EXOC3L2: variants seen among roughly 807,000 people sequenced by gnomAD.
EXOC3L2 encodes exocyst complex component 3-like protein 2.
Under a neutral mutation model 44.4 loss-of-function variants are expected in EXOC3L2, and 17 were observed. The observed-to-expected ratio is 0.38, with a 90% CI of 0.26 to 0.57. The LOEUF is 0.57. Ranked by LOEUF, EXOC3L2 falls within the 20% of genes least tolerant of loss-of-function variation. The pLI is 0.65. For missense variants in EXOC3L2, 541 were observed against 588.4 expected, an observed-to-expected ratio of 0.92 and a Z score of 0.83; for synonymous variants, 256 against 253.7, an observed-to-expected ratio of 1.01 and a Z score of -0.09.
intron 7 of EXOC3L2, among the ~76,000 whole-genome samples, chr19:45,225,500 C>T (rs907793214): frequency 1.3e-5 from 2 of 152,024 alleles, no homozygotes; most frequent in African/African-American, 2.4e-5. Flanking sequence ...GATCTCCTGA[C>T]CTTGTGATCC....
intron 1 of EXOC3L2, among the ~76,000 whole-genome samples, chr19:45,242,524 C>T (rs1047213585): frequency 1.3e-5 from 2 of 151,842 alleles, no homozygotes; most frequent in East Asian, 3.9e-4. Context: ...TCCCAAAGTA[C>T]TAGAATTACA....
At position 45,224,666 on chromosome 19, in the gene EXOC3L2, CT is replaced by C. The variant is rs148916282; in HGVS notation, c.1719+111del. 7,870 of 1,409,964 alleles carry C rather than the reference CT, an allele frequency of 5.6e-3. 328 individuals are homozygous for C. The African/African-American group carries it at 0.099, about 18-fold the overall frequency. 87.3% of individuals were successfully genotyped at this position (1,409,964 alleles called of 1,614,324 possible). A position where few individuals can be genotyped will look rare whatever the true frequency, so the allele number is the denominator to read the frequency against. On this transcript the variant is annotated intron_variant, in intron 8 of 11. Coordinates refer to ENST00000413988, the MANE Select transcript of EXOC3L2 (RefSeq NM_001382422.1). ...CCTTAACTGCCCCTGCCCCCCGCCC[CT>C]GTCTGCTTCCCAAACACTGAGCCAT...
In EXOC3L2 at chr19:45,213,250, G is replaced by C. The variant is rs753760745; in HGVS notation, c.2228C>G (p.Ala743Gly). Residue 743 changes from alanine to glycine, a missense_variant, in exon 12 of 12, where the codon GCC becomes GGC. Ala to Gly is a moderately conservative substitution (Grantham distance 60, BLOSUM62 0). Coordinates refer to ENST00000413988, the MANE Select transcript of EXOC3L2 (RefSeq NM_001382422.1). ...GGCACGGTCCCGAGGGGGTGACAGG[G>C]CTCCCTCCTCAGAGAGTTCCAGGTC... ...ARDLELSEEG[A>G]LSPPRDRAFF... 6.2e-7 allele frequency: 1 copy of C among 1,613,310 alleles called. No individual in the cohort carries two copies. The highest frequency in any genetic ancestry group is 8.5e-7 in the Non-Finnish European group (1 of 1,179,624).
At chr19:45,217,444 C>T (rs1330100152) in intron 10 of EXOC3L2, 84 bp downstream of exon 10, 6 of 1,415,478 alleles carry the variant, frequency 4.2e-6, no homozygotes, top group Middle Eastern at 3.6e-4. Context: ...GCCCCTCTCC[C>T]CCTGGCTTTT....
chr19:45,226,903 C>G (rs1445252768), intron 7 of EXOC3L2, among the ~76,000 whole-genome samples: 1 of 150,524 alleles, frequency 6.6e-6, no homozygotes, highest in Non-Finnish European at 1.5e-5. Context: ...CAGGTGCCCA[C>G]CACCAAGCCC....
chr19:45,218,375 C>T (rs1297121404), intron 8 of EXOC3L2, 56 bp from the exon 9 acceptor site: 17 of 1,418,442 alleles, frequency 1.2e-5, no homozygotes, highest in Non-Finnish European at 1.5e-5. Context: ...TCCCTCTTCA[C>T]TTAGGAATAA....
At chr19:45,229,517 A>G (rs899662219) in intron 4 of EXOC3L2, among the ~76,000 whole-genome samples, 2 of 147,778 alleles carry the variant, frequency 1.4e-5, no homozygotes, top group African/African-American at 2.5e-5. Context: ...ATATAAATCA[A>G]TAATACATAT....
At chr19:45,235,334 G>A (rs948048442) in intron 2 of EXOC3L2, among the ~76,000 whole-genome samples, 1 of 152,018 alleles carries the variant, frequency 6.6e-6, no homozygotes, top group East Asian at 1.9e-4. Context: ...AGGGGGAAAA[G>A]AAAAATGCCT....
intron 9 of EXOC3L2, 27 bp downstream of exon 9, chr19:45,218,170 A>ACCCCCCCCCC: frequency 2.3e-6 from 1 of 438,398 alleles, no homozygotes; most frequent in Non-Finnish European, 3.1e-6. Context: ...CCCCACCCCC[A>ACCCCCCCCCC]CCTCCCCTCC....
At chr19:45,223,032 C>G (rs1029648772) in intron 8 of EXOC3L2, among the ~76,000 whole-genome samples, 1 of 152,096 alleles carries the variant, frequency 6.6e-6, no homozygotes, top group African/African-American at 2.4e-5. Context: ...TCAGGAGGAT[C>G]GCTTGAGCCC....
intron 4 of EXOC3L2, among the ~76,000 whole-genome samples, chr19:45,229,770 GGGA>G: frequency 6.7e-6 from 1 of 149,726 alleles, no homozygotes; most frequent in East Asian, 1.9e-4. Context: ...ACTTGAACCC[GGGA>G]GGAGGAGGTT....
intron 11 of EXOC3L2, among the ~76,000 whole-genome samples, 196 bp downstream of exon 11, chr19:45,215,877 G>GGCGGCGGAGGCA (rs1969827813): frequency 1.3e-5 from 2 of 152,214 alleles, no homozygotes; most frequent in South Asian, 4.1e-4. Flanking sequence ...TGGTGGCGGT[G>GGCGGCGGAGGCA]GCGGCGGAGG....
intron 2 of EXOC3L2, among the ~76,000 whole-genome samples, chr19:45,236,842 CA>C (rs983739784): frequency 6.6e-6 from 1 of 150,988 alleles, no homozygotes; most frequent in African/African-American, 2.4e-5. Context: ...ACAAAAAATA[CA>C]AAAAAAATTT....
intron 11 of EXOC3L2, among the ~76,000 whole-genome samples, chr19:45,214,483 G>C (rs1452361448): frequency 6.8e-6 from 1 of 146,192 alleles, no homozygotes; most frequent in Non-Finnish European, 1.5e-5. Context: ...TGTTTGTTTT[G>C]AGACAGAGTC....
In EXOC3L2 at chr19:45,234,237, G is replaced by T. The variant is rs191977113; in HGVS notation, c.1113C>A (p.Ala371=). ...GCCAGTGCAGCAGCGCGTAGCGGTC[G>T]GCCAGCGGCAGCCTGCGACGGGCGG... The part of the protein sequence containing the change: ...GASARRRLPL[A]DRYALLHWHN... The change falls in exon 3 of 12, where the codon GCC becomes GCA. Residue 371 remains alanine (A), a synonymous_variant. Coordinates refer to ENST00000413988, the MANE Select transcript of EXOC3L2 (RefSeq NM_001382422.1). The surrounding 1 kb of genome is among the most constrained non-coding windows in gnomAD (Gnocchi z 5.0). 7 of 396,806 alleles carry T rather than the reference G, an allele frequency of 1.8e-5. No individual in the cohort carries two copies. Among genetic ancestry groups the T allele is most frequent in the Non-Finnish European group, 3.1e-5 (7 of 224,890 alleles). 24.6% of individuals were successfully genotyped at this position (396,806 alleles called of 1,614,324 possible). A position where few individuals can be genotyped will look rare whatever the true frequency, so the allele number is the denominator to read the frequency against.
At chr19:45,243,520 G>A (rs909584339) in intron 1 of EXOC3L2, among the ~76,000 whole-genome samples, 2 of 152,104 alleles carry the variant, frequency 1.3e-5, no homozygotes, top group African/African-American at 2.4e-5. Flanking sequence ...ATGGGCCCCC[G>A]CCCCCACAGG....
intron 1 of EXOC3L2, among the ~76,000 whole-genome samples, chr19:45,240,157 T>C (rs1970119354): frequency 1.4e-5 from 2 of 146,294 alleles, no homozygotes. Context: ...CAGGCTGGAG[T>C]GCAATGGCCC....
At chr19:45,236,085 A>G (rs1474999221) in intron 2 of EXOC3L2, among the ~76,000 whole-genome samples, 1 of 146,210 alleles carries the variant, frequency 6.8e-6, no homozygotes, top group East Asian at 2.0e-4. Context: ...AATGGGAAAG[A>G]GGCAAGAATG....
chr19:45,217,797 T>G lies in EXOC3L2; in HGVS notation c.1843-114A>C, dbSNP rs1347388756. 4.0e-6 allele frequency: 5 copies of G among 1,247,748 alleles called. No individual in the cohort carries two copies. The East Asian group carries it at 1.5e-4, about 38-fold the overall frequency. 77.3% of individuals were successfully genotyped at this position (1,247,748 alleles called of 1,614,324 possible). A position where few individuals can be genotyped will look rare whatever the true frequency, so the allele number is the denominator to read the frequency against. On this transcript the variant is annotated intron_variant, in intron 9 of 11. Coordinates refer to ENST00000413988, the MANE Select transcript of EXOC3L2 (RefSeq NM_001382422.1). ...CGCCCACATCCACTCCGGGCACCCA[T>G]GGGCACCCTTCCCGTGCCCACGCCC...
Sources: allele counts gnomAD v4.1 joint callset (sites outside exome capture counted in the v4.1 genomes callset), GRCh38; gene constraint gnomAD v4.1.1; non-coding constraint Gnocchi (gnomAD v3.1); transcripts MANE v1.5; gene names NCBI Gene and HGNC (gene_info 2026-07-23, HGNC 2026-07-21).